The following STIM1 variants were observed in gnomAD, a reference collection of about 807,000 sequenced individuals.
STIM1 encodes stromal interaction molecule 1.
Under a neutral mutation model 74.7 loss-of-function variants are expected in STIM1, and 25 were observed. That is an observed-to-expected ratio of 0.33 (90% confidence interval 0.24 to 0.47). The LOEUF (loss-of-function observed/expected upper bound fraction) is 0.47, where lower values mean the gene tolerates loss of function less well. STIM1 is among the 20% of genes least tolerant of loss of function. The pLI, the probability that STIM1 is intolerant of heterozygous loss-of-function variation, is 1.00. For synonymous variants in STIM1, 328 were observed against 348.8 expected, an observed-to-expected ratio of 0.94 and a Z score of 0.66; for missense variants, 728 against 920.8, an observed-to-expected ratio of 0.79 and a Z score of 2.71.
rs569262880 is a variant in STIM1, at chr11:4,032,266, G to A, written c.385+8279G>A. 2.0e-5 allele frequency among the ~76,000 whole-genome samples: 3 copies of A among 152,130 alleles called. No individual in the cohort carries two copies. The South Asian group carries it at 6.2e-4, about 31-fold the overall frequency. ...GGGTGGGTGGGTGAAAACTGCTTGAGCCCAGGAGTTGGAGTCCAGCCAGGG... is the reference window on the plus strand; with the variant it reads ...GGGTGGGTGGGTGAAAACTGCTTGAACCCAGGAGTTGGAGTCCAGCCAGGG... On this transcript the variant is annotated intron_variant, in intron 3 of 12. Transcript: ENST00000526596.
intron 1 of STIM1, among the ~76,000 whole-genome samples, chr11:3,881,714 C>T (rs974631728): frequency 6.7e-5 from 10 of 150,224 alleles, no homozygotes; most frequent in Admixed American, 2.7e-4. Context: ...GATGGAATCT[C>T]GCTCTGTAGC....
Position 3,863,045 on chromosome 11 carries a change from A to G in STIM1, c.139+6636A>G, listed in dbSNP as rs188553817. ...GTAGCTGGGATTACAGGTGCCCGCC[A>G]CCACACCTGGCTAATTTTTGTATTT... On this transcript the variant is annotated intron_variant, in intron 1 of 12. Transcript: ENST00000526596. 4.1e-4 allele frequency among the ~76,000 whole-genome samples: 62 copies of G among 152,020 alleles called. 1 individual carries two copies. Among genetic ancestry groups the G allele is most frequent in the Middle Eastern group, 3.4e-3 (1 of 292 alleles).
At chr11:3,901,518 T>G (rs2092347746) in intron 1 of STIM1, among the ~76,000 whole-genome samples, 1 of 152,200 alleles carries the variant, frequency 6.6e-6, no homozygotes, top group African/African-American at 2.4e-5. Context: ...CCATGGCTCC[T>G]TTTCAAAGAG....
At chr11:4,025,921 G>A (rs1439988122) in intron 3 of STIM1, among the ~76,000 whole-genome samples, 10 of 152,202 alleles carry the variant, frequency 6.6e-5, no homozygotes, top group African/African-American at 2.4e-4. Flanking sequence ...GTTCACAGCT[G>A]AGAAATGATA....
intron 1 of STIM1, among the ~76,000 whole-genome samples, chr11:3,868,528 C>T (rs974153248): frequency 5.9e-5 from 9 of 152,130 alleles, no homozygotes; most frequent in Non-Finnish European, 1.0e-4. Flanking sequence ...AAACAGCTAT[C>T]TGAGTTTAGA....
intron 2 of STIM1, among the ~76,000 whole-genome samples, chr11:4,000,714 C>A (rs1188994539): frequency 1.3e-5 from 2 of 152,230 alleles, no homozygotes; most frequent in Non-Finnish European, 2.9e-5. Flanking sequence ...TCCTCACCAG[C>A]AACGGAACAA....
intron 1 of STIM1, among the ~76,000 whole-genome samples, chr11:3,882,252 A>G (rs1235266490): frequency 6.6e-6 from 1 of 151,638 alleles, no homozygotes; most frequent in Non-Finnish European, 1.5e-5. Context: ...GGCGTGCGCC[A>G]CCACGCCCAG....
chr11:3,872,078 A>T (rs2135272164), intron 1 of STIM1, among the ~76,000 whole-genome samples: 1 of 151,980 alleles, frequency 6.6e-6, no homozygotes, highest in East Asian at 1.9e-4. Flanking sequence ...TTTGAAACAG[A>T]GTCTACCTCT....
Position 4,091,447 on chromosome 11 carries a change from G to A in STIM1, c.1800G>A (p.Val600=), listed in dbSNP as rs2094524609. The change falls in exon 13 of 13, where the codon GTG becomes GTA. Residue 600 remains valine (V), a synonymous_variant. Transcript: ENST00000526596. ...LIEGVHPGSL[V]EKLPDSPALA... is the part of the protein sequence containing the mutation. ...AGGGGGTCCACCCAGGGTCTCTGGTGGAGAAACTGCCTGACAGCCCTGCCC... is the reference window on the plus strand; with the variant it reads ...AGGGGGTCCACCCAGGGTCTCTGGTAGAGAAACTGCCTGACAGCCCTGCCC... 6.2e-7 allele frequency: 1 copy of A among 1,614,098 alleles called. No individual in the cohort carries two copies. The highest frequency in any genetic ancestry group is 1.3e-5 in the African/African-American group (1 of 74,948).
rs1453751067 is a variant in STIM1 at position 4,057,822 on chromosome 11, A to G, written c.498-1459A>G. Among the ~76,000 whole-genome samples the G allele has an allele frequency of 2.0e-5, 3 of 151,406 alleles. No homozygotes were observed. In the South Asian group the frequency reaches 6.3e-4, roughly 32 times the overall value. ...GAGGTGGAGCTTGCAGTGAGCTGAGATCGCGCCACTGCACTCCAGCCTAAG... is the reference window on the plus strand; with the variant it reads ...GAGGTGGAGCTTGCAGTGAGCTGAGGTCGCGCCACTGCACTCCAGCCTAAG... On this transcript the variant is annotated intron_variant, in intron 4 of 12. Coordinates refer to ENST00000526596, the MANE Select transcript of STIM1 (RefSeq NM_001382567.1).
chr11:3,858,306 A>G (rs1465037080), intron 1 of STIM1, among the ~76,000 whole-genome samples: 5 of 150,440 alleles, frequency 3.3e-5, no homozygotes, highest in African/African-American at 1.2e-4. Flanking sequence ...CCACCCCATG[A>G]CTTGAGCTTT....
intron 12 of STIM1, among the ~76,000 whole-genome samples, chr11:4,087,572 T>C (rs947635169): frequency 1.2e-4 from 18 of 152,132 alleles, no homozygotes; most frequent in African/African-American, 3.9e-4. Context: ...GGAAGGGTTT[T>C]GGCCTCTACC....
At chr11:4,077,905 T>C (rs2133202403) in intron 7 of STIM1, among the ~76,000 whole-genome samples, 1 of 152,348 alleles carries the variant, frequency 6.6e-6, no homozygotes, top group East Asian at 1.9e-4. Flanking sequence ...AGAATTTCTA[T>C]CTTTTATCTA....
rs569966007 is a variant in STIM1, at chr11:4,064,927, C to T, written c.614-5099C>T. Among the ~76,000 whole-genome samples, 4 of 152,302 alleles carry T rather than the reference C, an allele frequency of 2.6e-5. No individual in the cohort carries two copies. In the South Asian group the frequency reaches 8.3e-4, roughly 32 times the overall value. ...GTTAGGAGATGTTATCCATCTTCTACTTCCATTAGAGGAAACAAGATATAA... is the reference window on the plus strand; with the variant it reads ...GTTAGGAGATGTTATCCATCTTCTATTTCCATTAGAGGAAACAAGATATAA... On this transcript the variant is annotated intron_variant, in intron 5 of 12. Coordinates refer to ENST00000526596, the MANE Select transcript of STIM1 (RefSeq NM_001382567.1).
At chr11:3,989,910 A>G (rs2093593804) in intron 2 of STIM1, among the ~76,000 whole-genome samples, 2 of 152,364 alleles carry the variant, frequency 1.3e-5, no homozygotes, top group South Asian at 4.1e-4. Flanking sequence ...AAGAATTCAC[A>G]TACCGTGCAA....
chr11:4,057,011 AT>A (rs2094294981), intron 4 of STIM1, among the ~76,000 whole-genome samples: 1 of 152,050 alleles, frequency 6.6e-6, no homozygotes, highest in African/African-American at 2.4e-5. Flanking sequence ...GTTTAGTTCT[AT>A]TTTACAAAAC....
intron 1 of STIM1, among the ~76,000 whole-genome samples, chr11:3,923,734 A>C (rs768730628): frequency 1.4e-4 from 22 of 151,954 alleles, no homozygotes; most frequent in Non-Finnish European, 2.1e-4. Flanking sequence ...ATCCTGCAGT[A>C]GTACCACACT....
At chr11:3,989,363 C>G in intron 2 of STIM1, 2 of 792,012 alleles carry the variant, frequency 2.5e-6, no homozygotes, top group East Asian at 4.9e-5. Flanking sequence ...GGCTTCGCTT[C>G]CACTTTTGCA....
At chr11:3,991,352 G>A (rs944040465) in intron 2 of STIM1, among the ~76,000 whole-genome samples, 1 of 151,168 alleles carries the variant, frequency 6.6e-6, no homozygotes, top group African/African-American at 2.4e-5. Flanking sequence ...GTATTGTTTT[G>A]TAGATACGGG....
Sources: gnomAD v4.1 joint callset for allele counts (sites outside exome capture counted in the v4.1 genomes callset) on GRCh38, gnomAD v4.1.1 for gene constraint, MANE v1.5 for transcripts, NCBI Gene and HGNC (gene_info 2026-07-23, HGNC 2026-07-21) for gene names.